The following PFKFB3 variants were observed in gnomAD, a reference collection of about 807,000 sequenced individuals.
PFKFB3 encodes 6-phosphofructo-2-kinase/fructose-2,6-biphosphatase 3.
Under a neutral mutation model 68.0 loss-of-function variants are expected in PFKFB3, and 33 were observed. The ratio of observed to expected loss-of-function variants is 0.49; its 90% CI spans 0.37 to 0.65. The LOEUF (loss-of-function observed/expected upper bound fraction) is 0.65, where lower values mean the gene tolerates loss of function less well. PFKFB3 is among the 30% of genes least tolerant of loss of function. PFKFB3 has a pLI of 0.00. For missense variants in PFKFB3, 586 were observed against 712.2 expected, an observed-to-expected ratio of 0.82 and a Z score of 2.02; for synonymous variants, 315 against 288.2, an observed-to-expected ratio of 1.09 and a Z score of -0.94.
intron 14 of PFKFB3, chr10:6,245,889 A>C (rs762007643): frequency 2.6e-5 from 4 of 152,180 alleles, no homozygotes; most frequent in Non-Finnish European, 5.9e-5. Flanking sequence ...GAAGGCAAAC[A>C]GTGCCCTGGG....
upstream of PFKFB3, among the ~76,000 whole-genome samples, chr10:6,201,156 C>T (rs1321020073): frequency 6.6e-6 from 1 of 151,888 alleles, no homozygotes; most frequent in Non-Finnish European, 1.5e-5. This position sits in a 1 kb window ranked among gnomAD's most constrained non-coding sequence, Gnocchi z 4.1. Context: ...CCCCGACCCC[C>T]GCGAACCCCA....
At chr10:6,168,995 C>T (rs1842223273) in intron 1 of PFKFB3, among the ~76,000 whole-genome samples, 1 of 149,082 alleles carries the variant, frequency 6.7e-6, no homozygotes, top group Non-Finnish European at 1.5e-5. Context: ...CTCGCTCTGT[C>T]ACCCAGGCTG....
At chr10:6,321,057 G>C in the PFKFB3 span, among the ~76,000 whole-genome samples, 1 of 152,304 alleles carries the variant, frequency 6.6e-6, no homozygotes, top group East Asian at 1.9e-4. Context: ...GGGAGGAATA[G>C]AACAGAAGTC....
At chr10:6,236,869 A>C (rs1051420201), downstream of PFKFB3, among the ~76,000 whole-genome samples, 3 of 152,232 alleles carry the variant, frequency 2.0e-5, no homozygotes, top group African/African-American at 7.2e-5. Context: ...GGCTAGGTCC[A>C]CAGTCACTGA....
rs1341714589 is a variant in PFKFB3 at position 6,203,380 on chromosome 10, C to G, written c.76+44C>G. ...AGCCGGGTTGCAGGGCGGGCTGCGCCGGGCCGGGCCATTGTGTGGGGCGGC... is the reference window on the plus strand; with the variant it reads ...AGCCGGGTTGCAGGGCGGGCTGCGCGGGGCCGGGCCATTGTGTGGGGCGGC... On this transcript the variant is annotated intron_variant, in intron 1 of 14. Transcript: ENST00000379775. 3.3e-6 allele frequency: 5 copies of G among 1,496,670 alleles called. No homozygotes were observed. In the Admixed American group the frequency reaches 9.4e-5, roughly 28 times the overall value. 92.7% of individuals were successfully genotyped at this position (1,496,670 alleles called of 1,614,324 possible).
At chr10:6,205,706 T>G (rs2131876370) in intron 1 of PFKFB3, among the ~76,000 whole-genome samples, 1 of 152,282 alleles carries the variant, frequency 6.6e-6, no homozygotes, top group East Asian at 1.9e-4. Flanking sequence ...TGGGTTTTCT[T>G]TCTCCTAAAC....
chr10:6,246,330 A>T (rs766937806), intron 14 of PFKFB3, among the ~76,000 whole-genome samples: 95 of 119,652 alleles, frequency 7.9e-4, no homozygotes, highest in Non-Finnish European at 1.4e-3. Flanking sequence ...TATTTTATTT[A>T]TTATTATTAT....
At chr10:6,266,014 A>T in the PFKFB3 span, among the ~76,000 whole-genome samples, 1 of 151,950 alleles carries the variant, frequency 6.6e-6, no homozygotes, top group African/African-American at 2.4e-5. Context: ...GCGCTCAAGG[A>T]ATCCTCCTGC....
intron 1 of PFKFB3, among the ~76,000 whole-genome samples, chr10:6,164,182 C>T (rs1842056517): frequency 6.6e-6 from 1 of 152,004 alleles, no homozygotes; most frequent in South Asian, 2.1e-4. Context: ...CCACCCCACC[C>T]CGCGCGTGGA....
chr10:6,158,275 G>A (rs1196465544), intron 1 of PFKFB3, among the ~76,000 whole-genome samples: 1 of 151,698 alleles, frequency 6.6e-6, no homozygotes, highest in Non-Finnish European at 1.5e-5. Flanking sequence ...GGGGGACAGA[G>A]CAAGACTCCA....
intron 14 of PFKFB3, chr10:6,231,409 GTC>G: frequency 6.3e-7 from 1 of 1,582,892 alleles, no homozygotes; most frequent in Admixed American, 1.8e-5. Context: ...GGGCTCATCT[GTC>G]TCCATGCCGA....
intron 13 of PFKFB3, chr10:6,225,270 G>T (rs954623535): frequency 4.4e-6 from 2 of 451,200 alleles, no homozygotes; most frequent in East Asian, 7.0e-5. Flanking sequence ...GTCCCAGGAA[G>T]CTTGGCCTTC....
chr10:6,252,555 G>A (rs1160258124), intron 14 of PFKFB3, among the ~76,000 whole-genome samples: 1 of 152,170 alleles, frequency 6.6e-6, no homozygotes, highest in African/African-American at 2.4e-5. Context: ...ATAGAAGAAT[G>A]AGATATATAT....
upstream of PFKFB3, among the ~76,000 whole-genome samples, chr10:6,202,209 C>T (rs943474617): frequency 6.6e-6 from 1 of 152,208 alleles, no homozygotes; most frequent in Non-Finnish European, 1.5e-5. Flanking sequence ...GGGGCTTTCC[C>T]GCCCCCTCCT....
intron 6 of PFKFB3, among the ~76,000 whole-genome samples, chr10:6,217,556 C>T (rs986654240): frequency 1.2e-4 from 1 of 8,046 alleles, no homozygotes; most frequent in Non-Finnish European, 0.011. Flanking sequence ...AAGTGGATCA[C>T]TTGCTACAGC....
upstream of PFKFB3, among the ~76,000 whole-genome samples, chr10:6,200,672 GGGGCGGGGGGTGGTGGT>G (rs1564613473): frequency 6.2e-5 from 8 of 129,590 alleles, no homozygotes; most frequent in Admixed American, 1.5e-4. Context: ...GGGGGGGGGG[GGGGCGGGGGGTGGTGGT>G]GGGGCGGGGA....
At chr10:6,222,709 G>A (rs1009727668) in intron 10 of PFKFB3, 146 bp from the exon 11 acceptor site, 7 of 855,666 alleles carry the variant, frequency 8.2e-6, no homozygotes, top group East Asian at 3.1e-5. Flanking sequence ...AATAGTCCAC[G>A]TTAAACCCTG....
intron 13 of PFKFB3, chr10:6,225,315 AGTC>A (rs905243934): frequency 1.4e-5 from 6 of 415,322 alleles, no homozygotes; most frequent in African/African-American, 1.2e-4. Flanking sequence ...TGTCCGCCCC[AGTC>A]GCTGGCAGTT....
chr10:6,208,688 G>C (rs1328193836), intron 1 of PFKFB3, among the ~76,000 whole-genome samples: 1 of 152,116 alleles, frequency 6.6e-6, no homozygotes, highest in Non-Finnish European at 1.5e-5. Context: ...TGTGCGGGCT[G>C]CTGCCTGTCT....
Sources: allele counts gnomAD v4.1 joint callset (sites outside exome capture counted in the v4.1 genomes callset), GRCh38; gene constraint gnomAD v4.1.1; non-coding constraint Gnocchi (gnomAD v3.1); transcripts MANE v1.5; gene names NCBI Gene and HGNC (gene_info 2026-07-23, HGNC 2026-07-21).